SPATA17: variants seen among roughly 807,000 people sequenced by gnomAD.
SPATA17 encodes the protein spermatogenesis-associated protein 17.
Under a neutral mutation model 62.2 loss-of-function variants are expected in SPATA17, and 53 were observed. The observed-to-expected ratio is 0.85, with a 90% confidence interval of 0.68 to 1.07. SPATA17 has a LOEUF of 1.07. Among genes scored for constraint, SPATA17 ranks in the 50% least tolerant of loss-of-function variants. The probability of loss-of-function intolerance (pLI) is 0.00; values close to 1 mark genes in which losing one functional copy is unlikely to be tolerated. For missense variants in SPATA17, 466 were observed against 425.5 expected (o/e 1.10, Z -0.84); for synonymous variants, 146 against 146.8 (o/e 0.99, Z 0.04).
chr1:217,688,526 A>G (rs907778714), intron 5 of SPATA17, among the ~76,000 whole-genome samples: 5 of 152,194 alleles, frequency 3.3e-5, no homozygotes, highest in Non-Finnish European at 4.4e-5. Context: ...AGCATGTCAC[A>G]TATTTTAGAC....
At chr1:217,714,659 A>G in intron 5 of SPATA17, among the ~76,000 whole-genome samples, 1 of 151,028 alleles carries the variant, frequency 6.6e-6, no homozygotes, top group Admixed American at 6.6e-5. Context: ...AATTTTTTGT[A>G]TTTTTTTAGT....
At chr1:217,763,337 A>T (rs1417318579) in intron 6 of SPATA17, among the ~76,000 whole-genome samples, 2 of 152,208 alleles carry the variant, frequency 1.3e-5, no homozygotes, top group Non-Finnish European at 2.9e-5. Context: ...TTCTAAAGAA[A>T]TGATAATTAG....
intron 5 of SPATA17, among the ~76,000 whole-genome samples, chr1:217,690,699 CT>C (rs1256308369): frequency 8.8e-6 from 1 of 113,960 alleles, no homozygotes; most frequent in Non-Finnish European, 1.7e-5. Context: ...TCCATGTGAT[CT>C]CATTGTTCAA....
At position 217,808,760 on chromosome 1, in the gene SPATA17, C is replaced by T. The variant is rs185613088; in HGVS notation, c.1005+6910C>T. Among the ~76,000 whole-genome samples the T allele has an allele frequency of 9.9e-4, 150 of 151,360 alleles. 1 individual carries two copies. Among genetic ancestry groups the T allele is most frequent in the African/African-American group, 3.5e-3 (144 of 41,182 alleles). ...GCCCCAGCTACTTGGGAGGCTGAGGCAGGAGAATCGCTTGAACCTGGGAAG... is the reference window on the plus strand; with the variant it reads ...GCCCCAGCTACTTGGGAGGCTGAGGTAGGAGAATCGCTTGAACCTGGGAAG... On this transcript the variant is annotated intron_variant, in intron 9 of 10. Transcript: ENST00000366933.
intron 8 of SPATA17, among the ~76,000 whole-genome samples, chr1:217,783,161 T>C (rs1244538956): frequency 6.6e-6 from 1 of 150,626 alleles, no homozygotes; most frequent in Non-Finnish European, 1.5e-5. Context: ...CATGTGCTAA[T>C]TGTTACATAA....
chr1:217,741,830 G>T, intron 5 of SPATA17, 145 bp from the exon 6 acceptor site: 1 of 767,908 alleles, frequency 1.3e-6, no homozygotes. Context: ...GATTCATGTA[G>T]AAAATGCAGG....
intron 9 of SPATA17, among the ~76,000 whole-genome samples, chr1:217,803,769 G>A (rs1002362573): frequency 6.6e-6 from 1 of 152,164 alleles, no homozygotes; most frequent in East Asian, 1.9e-4. Flanking sequence ...TGTAATCCCA[G>A]CACTTTGGGA....
chr1:217,807,606 A>G, intron 9 of SPATA17, among the ~76,000 whole-genome samples: 1 of 152,298 alleles, frequency 6.6e-6, no homozygotes, highest in Middle Eastern at 3.4e-3. Flanking sequence ...AAAACTTTCA[A>G]TATATCTGAA....
At chr1:217,741,927 A>G in intron 5 of SPATA17, 48 bp from the exon 6 acceptor site, 1 of 1,605,772 alleles carries the variant, frequency 6.2e-7, no homozygotes, top group Non-Finnish European at 8.5e-7. Flanking sequence ...AAAGAATTAA[A>G]ATGTTAACAC....
At position 217,684,100 on chromosome 1, in the gene SPATA17, G is replaced by C. The variant is rs192075148; in HGVS notation, c.395+739G>C. 9.9e-5 allele frequency among the ~76,000 whole-genome samples: 15 copies of C among 152,260 alleles called. No individual in the cohort carries two copies. The East Asian group carries it at 1.9e-3, about 20-fold the overall frequency. On this transcript the variant is annotated intron_variant, in intron 5 of 10. Coordinates refer to ENST00000366933, the MANE Select transcript of SPATA17 (RefSeq NM_138796.4). ...AACATATTAAAAAGGTCTGTTCACTGTCAGTTTTGATTTGTTTAAACACAT... is the reference window on the plus strand; with the variant it reads ...AACATATTAAAAAGGTCTGTTCACTCTCAGTTTTGATTTGTTTAAACACAT...
At chr1:217,646,799 C>A (rs952098059) in intron 1 of SPATA17, among the ~76,000 whole-genome samples, 19 of 152,118 alleles carry the variant, frequency 1.2e-4, no homozygotes, top group African/African-American at 4.6e-4. Context: ...GAGGCTAAGG[C>A]AGAAGAATCA....
At chr1:217,755,613 A>T (rs1673023803) in intron 6 of SPATA17, among the ~76,000 whole-genome samples, 1 of 152,026 alleles carries the variant, frequency 6.6e-6, no homozygotes, top group Admixed American at 6.5e-5. Context: ...AAGTTTATTC[A>T]GCAATATTTT....
At chr1:217,670,689 G>A (rs952242683) in intron 4 of SPATA17, among the ~76,000 whole-genome samples, 5 of 152,114 alleles carry the variant, frequency 3.3e-5, no homozygotes, top group African/African-American at 4.8e-5. Context: ...GGTGGCTCAC[G>A]CCTATAATCC....
rs1378456937 is a variant in SPATA17, at chr1:217,868,342, C to T, written c.*1323C>T. On this transcript the variant is annotated 3_prime_UTR_variant, in exon 11 of 11. Coordinates refer to ENST00000366933, the MANE Select transcript of SPATA17 (RefSeq NM_138796.4). ...GAGTTAAAATACATATACTCCTCCT[C>T]TTATAATCGGTTATGTGCCAATAAA... The T allele has an allele frequency of 1.3e-5, 2 of 152,138 alleles. No homozygotes were observed. Among genetic ancestry groups the T allele is most frequent in the South Asian group, 2.1e-4 (1 of 4,834 alleles). The allele number at this position is 152,138 out of a possible 1,614,324, so 9.4% of individuals were successfully genotyped here.
intron 6 of SPATA17, among the ~76,000 whole-genome samples, chr1:217,767,208 G>T (rs1352114509): frequency 6.6e-6 from 1 of 152,056 alleles, no homozygotes; most frequent in African/African-American, 2.4e-5. Flanking sequence ...TGCTTGCATG[G>T]TTTCTGAGGA....
intron 1 of SPATA17, among the ~76,000 whole-genome samples, chr1:217,642,290 T>G (rs1670082930): frequency 6.6e-6 from 1 of 152,182 alleles, no homozygotes; most frequent in Non-Finnish European, 1.5e-5. Context: ...TGTATCCTAT[T>G]CCTCATCAAA....
chr1:217,814,673 C>A (rs1054242540), intron 9 of SPATA17, among the ~76,000 whole-genome samples: 13 of 151,954 alleles, frequency 8.6e-5, no homozygotes, highest in Non-Finnish European at 1.9e-4. Context: ...CATAGAGAGA[C>A]CCTGTCTCCG....
chr1:217,845,016 C>A (rs1237184607), intron 9 of SPATA17, among the ~76,000 whole-genome samples: 1 of 152,094 alleles, frequency 6.6e-6, no homozygotes, highest in East Asian at 1.9e-4. Context: ...GTAATCTTAG[C>A]TTTTTTTCTC....
chr1:217,704,252 T>TTTTTTA (rs1671679926), intron 5 of SPATA17, among the ~76,000 whole-genome samples: 1 of 127,544 alleles, frequency 7.8e-6, no homozygotes, highest in Non-Finnish European at 1.6e-5. Context: ...TTTTTTTTTT[T>TTTTTTA]TTTTTTTTTG....
Sources: allele counts gnomAD v4.1 joint callset (sites outside exome capture counted in the v4.1 genomes callset), GRCh38; gene constraint gnomAD v4.1.1; transcripts MANE v1.5; gene names NCBI Gene and HGNC (gene_info 2026-07-23, HGNC 2026-07-21).